The following SETBP1 variants were observed in gnomAD, a reference collection of about 807,000 sequenced individuals.
SETBP1 encodes the protein SET binding protein 1.
Under a neutral mutation model 101.0 loss-of-function variants are expected in SETBP1, and 9 were observed. That is an observed-to-expected ratio of 0.09 (90% CI 0.05 to 0.16). The LOEUF is 0.16. Ranked by LOEUF, SETBP1 falls within the 10% of genes least tolerant of loss-of-function variation. The pLI is 1.00. For missense variants in SETBP1, 1,858 were observed against 2,033.8 expected (o/e 0.91, Z 1.66); for synonymous variants, 818 against 788.5 (o/e 1.04, Z -0.63).
At chr18:45,045,601 A>T (rs751010119) in intron 5 of SETBP1, among the ~76,000 whole-genome samples, 4 of 151,996 alleles carry the variant, frequency 2.6e-5, no homozygotes, top group Non-Finnish European at 5.9e-5. Flanking sequence ...TACACACCAC[A>T]CATGGGCCAT....
At chr18:44,879,356 C>T (rs2069479822) in intron 3 of SETBP1, among the ~76,000 whole-genome samples, 1 of 152,010 alleles carries the variant, frequency 6.6e-6, no homozygotes, top group African/African-American at 2.4e-5. Context: ...ACTTTTATGG[C>T]CAGAGTCATC....
At chr18:44,817,841 C>G (rs1254252704) in intron 2 of SETBP1, among the ~76,000 whole-genome samples, 4 of 152,202 alleles carry the variant, frequency 2.6e-5, no homozygotes, top group African/African-American at 9.7e-5. Context: ...CATGACTGCA[C>G]TTTCCAAACT....
chr18:44,969,883 C>A (rs1427399974), intron 4 of SETBP1, among the ~76,000 whole-genome samples: 1 of 152,166 alleles, frequency 6.6e-6, no homozygotes, highest in Non-Finnish European at 1.5e-5. Flanking sequence ...TTGCAGCAGG[C>A]AGAGCAGTGT....
At chr18:44,709,376 T>G (rs1011136657) in intron 2 of SETBP1, among the ~76,000 whole-genome samples, 14 of 152,200 alleles carry the variant, frequency 9.2e-5, no homozygotes, top group Non-Finnish European at 1.2e-4. Flanking sequence ...AGAAAGAGCC[T>G]CCACTCTGGA....
At chr18:44,878,596 TAG>T (rs1305230570) in intron 3 of SETBP1, among the ~76,000 whole-genome samples, 2 of 152,234 alleles carry the variant, frequency 1.3e-5, no homozygotes, top group Non-Finnish European at 2.9e-5. Flanking sequence ...AAACCACCTT[TAG>T]AGCTTGAGAG....
intron 2 of SETBP1, among the ~76,000 whole-genome samples, chr18:44,726,355 A>C (rs2069706491): frequency 6.6e-6 from 1 of 152,214 alleles, no homozygotes; most frequent in Admixed American, 6.5e-5. Flanking sequence ...TCAAATAATA[A>C]TACTTATCTC....
intron 4 of SETBP1, among the ~76,000 whole-genome samples, chr18:44,997,000 G>A (rs1233434672): frequency 6.6e-6 from 1 of 152,210 alleles, no homozygotes; most frequent in African/African-American, 2.4e-5. Flanking sequence ...GACTAGGGAA[G>A]ATCAGATGAG....
chr18:45,032,634 G>T (rs1045289038), intron 4 of SETBP1, among the ~76,000 whole-genome samples: 2 of 152,146 alleles, frequency 1.3e-5, no homozygotes, highest in African/African-American at 2.4e-5. Flanking sequence ...TGCCTGGCAT[G>T]GGAGGAGAAT....
chr18:44,866,023 A>T (rs1174888668), intron 2 of SETBP1, among the ~76,000 whole-genome samples: 1 of 152,142 alleles, frequency 6.6e-6, no homozygotes, highest in Admixed American at 6.5e-5. Flanking sequence ...CTGAACTGGG[A>T]TGGGCCCATT....
At chr18:44,789,356 T>G (rs2071319156) in intron 2 of SETBP1, among the ~76,000 whole-genome samples, 1 of 152,240 alleles carries the variant, frequency 6.6e-6, no homozygotes, top group African/African-American at 2.4e-5. Context: ...TCTCTAAGGT[T>G]CTAAACTTTA....
At chr18:44,946,119 T>C (rs1463744824) in intron 3 of SETBP1, among the ~76,000 whole-genome samples, 1 of 152,248 alleles carries the variant, frequency 6.6e-6, no homozygotes, top group Non-Finnish European at 1.5e-5. Flanking sequence ...GCACTCCTTC[T>C]GGGTCCTCCC....
At chr18:44,690,107 A>G (rs960659962) in intron 1 of SETBP1, among the ~76,000 whole-genome samples, 2 of 152,222 alleles carry the variant, frequency 1.3e-5, no homozygotes, top group African/African-American at 4.8e-5. Flanking sequence ...ATTGTATATA[A>G]GCATTTGGAA....
chr18:44,827,641 C>T (rs1166763854), intron 2 of SETBP1, among the ~76,000 whole-genome samples: 1 of 152,206 alleles, frequency 6.6e-6, no homozygotes, highest in East Asian at 1.9e-4. Context: ...GGAGGACTGG[C>T]ATTTTCAGCT....
At position 44,709,855 on chromosome 18, in the gene SETBP1, A is replaced by G. The variant is rs186731978; in HGVS notation, c.486+8023A>G. On this transcript the variant is annotated intron_variant, in intron 2 of 5. Coordinates refer to ENST00000649279, the MANE Select transcript of SETBP1 (RefSeq NM_015559.3). ...TTTGGTGTTGGTGGTAGGAATTGCT[A>G]TACGGATTTATTTAGAGATAGTTCA... Among the ~76,000 whole-genome samples the G allele has an allele frequency of 3.9e-4, 45 of 115,390 alleles. No individual in the cohort carries two copies. The East Asian group carries it at 6.4e-3, about 16-fold the overall frequency. The allele number at this position is 115,390 out of a possible 152,430, so 75.7% of individuals were successfully genotyped here.
rs1384664056 is a variant in SETBP1, at chr18:44,953,135, C to A, written c.3795C>A (p.Gly1265=). 1 of 1,613,996 alleles carries A rather than the reference C, an allele frequency of 6.2e-7. No individual in the cohort carries two copies. The highest frequency in any genetic ancestry group is 1.3e-5 in the African/African-American group (1 of 74,894). Residue 1265 remains glycine (G), a synonymous_variant, in exon 4 of 6, where the codon GGC becomes GGA. Transcript: ENST00000649279. ...PVDSCTKRYS[G]SGGDGGSTRS... ...ACTCATGCACGAAAAGATACTCTGG[C>A]AGTGGCGGGGATGGTGGCAGCACGA...
chr18:44,990,637 A>T (rs1205859366), intron 4 of SETBP1, among the ~76,000 whole-genome samples: 1 of 151,804 alleles, frequency 6.6e-6, no homozygotes, highest in Non-Finnish European at 1.5e-5. Flanking sequence ...AACAAACCAA[A>T]AAAAAACATA....
At chr18:44,787,401 T>C (rs2071260776) in intron 2 of SETBP1, among the ~76,000 whole-genome samples, 1 of 152,132 alleles carries the variant, frequency 6.6e-6, no homozygotes, top group African/African-American at 2.4e-5. Context: ...CCAGGAACCC[T>C]AACTAAATAC....
intron 3 of SETBP1, among the ~76,000 whole-genome samples, chr18:44,890,822 G>C (rs2069751229): frequency 1.3e-5 from 2 of 152,120 alleles, no homozygotes; most frequent in Admixed American, 6.6e-5. Flanking sequence ...AGGATGGAGA[G>C]ATTAAATGAA....
At chr18:44,900,307 T>C (rs1222373964) in intron 3 of SETBP1, among the ~76,000 whole-genome samples, 1 of 152,208 alleles carries the variant, frequency 6.6e-6, no homozygotes, top group Admixed American at 6.5e-5. Flanking sequence ...GGCCCAAGTT[T>C]GGGAACCACT....
Sources: allele counts gnomAD v4.1 joint callset (sites outside exome capture counted in the v4.1 genomes callset), GRCh38; gene constraint gnomAD v4.1.1; transcripts MANE v1.5; gene names NCBI Gene and HGNC (gene_info 2026-07-23, HGNC 2026-07-21).